PRKD2: variants seen among roughly 807,000 people sequenced by gnomAD.
PRKD2 encodes the protein serine/threonine-protein kinase D2.
A neutral mutation model predicts 86.0 loss-of-function variants in PRKD2; 22 were observed. The ratio of observed to expected loss-of-function variants is 0.26; its 90% confidence interval spans 0.18 to 0.37. The LOEUF is 0.37. PRKD2 is among the 10% of genes least tolerant of loss of function. The probability of loss-of-function intolerance (pLI) is 1.00; values close to 1 mark genes in which losing one functional copy is unlikely to be tolerated. For synonymous variants in PRKD2, 509 were observed against 510.9 expected (o/e 1.00, Z 0.05); for missense variants, 818 against 1,199.2 (o/e 0.68, Z 4.70).
At position 46,678,527 on chromosome 19, in the gene PRKD2, G is replaced by T; in HGVS notation, c.2207C>A (p.Ser736Ter). 6.2e-7 allele frequency: 1 copy of T among 1,614,218 alleles called. No individual in the cohort carries two copies. Among genetic ancestry groups the T allele is most frequent in the South Asian group, 1.1e-5 (1 of 91,078 alleles). The change falls in exon 16 of 18, where the codon TCA becomes TAA. Residue 736 changes from serine (S) to a stop codon, truncating the protein, a stop_gained. Coordinates refer to ENST00000291281, the MANE Select transcript of PRKD2 (RefSeq NM_016457.5). LOFTEE classifies it high-confidence loss of function. The surrounding 1 kb of genome is among the most constrained non-coding windows in gnomAD (Gnocchi z 5.7). ...QGYNRSLDMW[S>*]VGVIMYVSLS... ...GCTGACGTACATGATCACGCCCACTGACCACATGTCCAGCGAGCGGTTGTA... is the reference window on the plus strand; with the variant it reads ...GCTGACGTACATGATCACGCCCACTTACCACATGTCCAGCGAGCGGTTGTA...
chr19:46,683,665 T>C (rs1284972539), intron 14 of PRKD2, among the ~76,000 whole-genome samples: 1 of 151,546 alleles, frequency 6.6e-6, no homozygotes, highest in Non-Finnish European at 1.5e-5. Flanking sequence ...TTGCAGTGAG[T>C]CGACATCGCG....
chr19:46,697,705 C>A (rs370642175), intron 8 of PRKD2, 28 bp downstream of exon 8: 1 of 1,588,334 alleles, frequency 6.3e-7, no homozygotes, highest in Admixed American at 1.7e-5. Context: ...TTCGCTCCGC[C>A]GTACCCGGCC....
rs760631310 is a variant in PRKD2, at chr19:46,710,900, C to T, written c.511+7G>A. ...CCAGGCCCCGCCCCCAACCCTTTAG[C>T]TCTCACCATCGCACTTGAGGCCCTG... is the stretch of plus-strand genomic sequence containing the variant. On this transcript the variant is annotated splice_region_variant and intron_variant, in intron 3 of 17. Transcript: ENST00000291281. 29 of 1,565,218 alleles carry T rather than the reference C, an allele frequency of 1.9e-5. No individual in the cohort carries two copies. Among genetic ancestry groups the T allele is most frequent in the African/African-American group, 1.6e-4 (12 of 73,810 alleles).
Position 46,704,597 on chromosome 19 carries a change from A to G in PRKD2, c.564T>C (p.Cys188=), listed in dbSNP as rs762059513. The G allele has an allele frequency of 5.6e-6, 9 of 1,613,816 alleles. No individual in the cohort carries two copies. Among genetic ancestry groups the G allele is most frequent in the Non-Finnish European group, 7.6e-6 (9 of 1,179,882 alleles). ...ACAGGCGCCGTTTGCGGGCCCCACT[A>G]CAGTTGTTGGGGATGCTGAAGGCAC... ...KRCAFSIPNN[C]SGARKRRLSS... Residue 188 remains cysteine, a synonymous_variant, in exon 4 of 18, where the codon TGT becomes TGC. Transcript: ENST00000291281.
chr19:46,710,059 G>A (rs546569373), intron 3 of PRKD2, among the ~76,000 whole-genome samples: 300 of 152,012 alleles, frequency 2.0e-3, no homozygotes, highest in African/African-American at 6.8e-3. Flanking sequence ...CACCACGTCC[G>A]GCTAATTTTT....
chr19:46,678,877 C>A lies in PRKD2; in HGVS notation c.2071-214G>T, dbSNP rs551009307. Among the ~76,000 whole-genome samples, 1 of 152,258 alleles carries A rather than the reference C, an allele frequency of 6.6e-6. No individual in the cohort carries two copies. The highest frequency in any genetic ancestry group is 1.9e-4 in the East Asian group (1 of 5,186). On this transcript the variant is annotated intron_variant, in intron 15 of 17. Coordinates refer to ENST00000291281, the MANE Select transcript of PRKD2 (RefSeq NM_016457.5). This position sits in a 1 kb window ranked among gnomAD's most constrained non-coding sequence, Gnocchi z 5.7. ...TATAGGAAGAAGAGCAGAAGAGCAC[C>A]TATCTCAGAGGACTGCCATGATGGT...
intron 3 of PRKD2, among the ~76,000 whole-genome samples, chr19:46,708,983 T>TG (rs71177244): frequency 2.4e-3 from 97 of 39,878 alleles, no homozygotes; most frequent in South Asian, 8.8e-3. Context: ...TTTTTTTTTT[T>TG]TTTTTTTTTT....
intron 3 of PRKD2, among the ~76,000 whole-genome samples, chr19:46,706,208 A>G (rs1053867397): frequency 2.6e-5 from 4 of 151,800 alleles, no homozygotes; most frequent in African/African-American, 9.7e-5. Context: ...AATCAGCTCA[A>G]CTCCCTGTTT....
rs2053471063 is a variant in PRKD2, at chr19:46,690,691, G to A, written c.1718C>T (p.Thr573Ile). ...GACCTTAACTGCCACGTCCCGGCCT[G>A]TCTTCCGGTGTTTTCCTGCACAGGG... Reference protein sequence around the residue: ...GVVYGGKHRKTGRDVAVKVID... With the variant: ...GVVYGGKHRKIGRDVAVKVID... Residue 573 changes from threonine (T) to isoleucine (I), a missense_variant, in exon 13 of 18, where the codon ACA (threonine) becomes ATA (isoleucine). This residue lies in a region of PRKD2 where 154 missense variants were observed against 359.6 expected (regional missense o/e 0.43). Transcript: ENST00000291281. The A allele has an allele frequency of 1.9e-6, 3 of 1,614,112 alleles. No individual in the cohort carries two copies. The highest frequency in any genetic ancestry group is 8.5e-7 in the Non-Finnish European group (1 of 1,179,998).
chr19:46,691,279 A>G (rs908890348), intron 12 of PRKD2, among the ~76,000 whole-genome samples: 1 of 152,068 alleles, frequency 6.6e-6, no homozygotes, highest in Non-Finnish European at 1.5e-5. Flanking sequence ...ATCAGAATGC[A>G]GAATCTACCC....
intron 14 of PRKD2, among the ~76,000 whole-genome samples, chr19:46,682,430 C>T (rs906692759): frequency 6.6e-6 from 1 of 152,028 alleles, no homozygotes; most frequent in Non-Finnish European, 1.5e-5. Context: ...GCTGGGATTA[C>T]AGGCGTGAGT....
chr19:46,698,010 TTTTG>T (rs1233041743), intron 7 of PRKD2, among the ~76,000 whole-genome samples, 160 bp from the exon 8 acceptor site: 5 of 151,902 alleles, frequency 3.3e-5, no homozygotes, highest in Admixed American at 1.3e-4. Context: ...GGGAGTTGCT[TTTTG>T]TTTGTTTTTA....
intron 15 of PRKD2, among the ~76,000 whole-genome samples, chr19:46,680,977 G>A (rs189112677): frequency 0.022 from 1,258 of 56,630 alleles, 21 homozygotes; most frequent in African/African-American, 0.065. Flanking sequence ...ACAGAGTCTC[G>A]CTCTCTCGCT....
At chr19:46,687,379 G>A (rs898178450) in intron 14 of PRKD2, among the ~76,000 whole-genome samples, 4 of 150,046 alleles carry the variant, frequency 2.7e-5, no homozygotes, top group African/African-American at 7.4e-5. Context: ...GTGACAGAGC[G>A]AGACCCTGTC....
intron 5 of PRKD2, among the ~76,000 whole-genome samples, chr19:46,703,958 A>AACAACAACACACAC (rs1555830816): frequency 7.5e-6 from 1 of 133,658 alleles, no homozygotes; most frequent in African/African-American, 2.9e-5. Flanking sequence ...AAACAACAAC[A>AACAACAACACACAC]ACACACACAC....
rs1026229538 is a variant in PRKD2 at position 46,674,509 on chromosome 19, G to A, written c.*14C>T. ...CCGCTGTGGAGGGCAGCAGCTGGAC[G>A]AGGGCACAGGACCTCAGAGAACACT... On this transcript the variant is annotated 3_prime_UTR_variant, in exon 18 of 18. Coordinates refer to ENST00000291281, the MANE Select transcript of PRKD2 (RefSeq NM_016457.5). The A allele has an allele frequency of 1.0e-5, 16 of 1,603,632 alleles. No individual in the cohort carries two copies. Among genetic ancestry groups the A allele is most frequent in the Middle Eastern group, 1.7e-4 (1 of 5,966 alleles).
intron 8 of PRKD2, among the ~76,000 whole-genome samples, chr19:46,697,507 C>T (rs191886370): frequency 2.4e-3 from 359 of 151,548 alleles, no homozygotes; most frequent in African/African-American, 8.3e-3. Context: ...TCTAGCCCCG[C>T]CCCTGACCTT....
chr19:46,700,905 C>T lies in PRKD2; in HGVS notation c.1015G>A (p.Ala339Thr), dbSNP rs10402397. The T allele has an allele frequency of 9.9e-5, 160 of 1,614,216 alleles. No individual in the cohort carries two copies. In the African/African-American group the frequency reaches 1.6e-3, roughly 16 times the overall value. Reference protein sequence around the residue: ...ATDFSEADKSALMDESEDSGV... With the variant: ...ATDFSEADKSTLMDESEDSGV... Reference sequence around the variant, plus strand: ...GAGTCCTCTGACTCATCCATGAGGGCGCTCTTGTCAGCCTCGCTGAAATCG... The same window carrying T: ...GAGTCCTCTGACTCATCCATGAGGGTGCTCTTGTCAGCCTCGCTGAAATCG... Residue 339 changes from alanine (A) to threonine (T), a missense_variant, in exon 7 of 18, where the codon GCC becomes ACC. Around this residue, in one of 5 missense-constraint regions of PRKD2, gnomAD observed 403 missense variants for 518.6 expected, o/e 0.78. Coordinates refer to ENST00000291281, the MANE Select transcript of PRKD2 (RefSeq NM_016457.5).
Position 46,700,810 on chromosome 19 carries a change from G to GTATA in PRKD2, c.1109_1110insTATA (p.Lys371IlefsTer70). ...GGTTCTGTGTATACCTCTGGGCCTTGCCTCCCTCGCCTTCCTCCTCCTCAC... is the reference window on the plus strand; with the variant it reads ...GGTTCTGTGTATACCTCTGGGCCTTGTATACCTCCCTCGCCTTCCTCCTCCTCAC... On this transcript the variant is annotated frameshift_variant, in exon 7 of 18. Coordinates refer to ENST00000291281, the MANE Select transcript of PRKD2 (RefSeq NM_016457.5). LOFTEE classifies it high-confidence loss of function. 1 of 1,614,106 alleles carries GTATA rather than the reference G, an allele frequency of 6.2e-7. No individual in the cohort carries two copies. The highest frequency in any genetic ancestry group is 8.5e-7 in the Non-Finnish European group (1 of 1,179,964).
Sources: gnomAD v4.1 joint callset for allele counts (sites outside exome capture counted in the v4.1 genomes callset) on GRCh38, gnomAD v4.1.1 for gene constraint, gnomAD v4.1.1 regional missense constraint, Gnocchi (gnomAD v3.1) non-coding constraint, MANE v1.5 for transcripts, NCBI Gene and HGNC (gene_info 2026-07-23, HGNC 2026-07-21) for gene names.